The following DMD variants were observed in gnomAD, a reference collection of about 807,000 sequenced individuals.
The protein encoded by DMD is dystrophin, also known as mutant dystrophin.
DMD carries 63 observed loss-of-function variants against 330.1 expected under a neutral mutation model. The ratio of observed to expected loss-of-function variants is 0.19; its 90% CI spans 0.16 to 0.24. The LOEUF (loss-of-function observed/expected upper bound fraction) is 0.24. DMD is among the 10% of genes least tolerant of loss of function. The probability of loss-of-function intolerance (pLI) is 1.00; values close to 1 mark genes in which losing one functional copy is unlikely to be tolerated. For missense variants in DMD, 3,344 were observed against 2,684.1 expected (o/e 1.25, Z -5.43); for synonymous variants, 1,223 against 959.8 (o/e 1.27, Z -5.07).
At chrX:33,049,406 A>T (rs1209705494) in intron 1 of DMD, among the ~76,000 whole-genome samples, 1 of 111,831 alleles carries the variant, frequency 8.9e-6, no homozygotes, top group East Asian at 2.8e-4. Context: ...GGTGGCTGCC[A>T]CTTTCTTAAC....
At chrX:32,407,318 T>C (rs1406272023) in intron 30 of DMD, among the ~76,000 whole-genome samples, 12 of 111,415 alleles carry the variant, frequency 1.1e-4, no homozygotes, top group Non-Finnish European at 2.1e-4. Flanking sequence ...GGGTGAAGGA[T>C]ATGAACAGAC....
chrX:33,062,454 C>G (rs1396890349), intron 1 of DMD, among the ~76,000 whole-genome samples: 1 of 111,966 alleles, frequency 8.9e-6, no homozygotes, highest in Non-Finnish European at 1.9e-5. Context: ...GGAGTTTATT[C>G]TACAATTTTT....
Position 31,119,435 on chromosome X carries a change from A to AAAAC in DMD, c.*2480_*2483dup, listed in dbSNP as rs1208420692. The AAAAC allele has an allele frequency of 1.8e-5, 2 of 112,558 alleles. No individual in the cohort carries two copies. The highest frequency in any genetic ancestry group is 3.8e-5 in the Non-Finnish European group (2 of 53,166). 9.3% of individuals were successfully genotyped at this position (112,558 alleles called of 1,213,427 possible). A position where few individuals can be genotyped will look rare whatever the true frequency, so the allele number is the denominator to read the frequency against. ...GAACTCAGTACCTGAAAACAATGAC[A>AAAAC]AAACATGCCATGTGATGTTTATGCT... On this transcript the variant is annotated 3_prime_UTR_variant, in exon 79 of 79. Transcript: ENST00000357033.
intron 61 of DMD, among the ~76,000 whole-genome samples, chrX:31,338,819 G>A (rs187518430): frequency 8.2e-5 from 9 of 109,632 alleles, no homozygotes; most frequent in East Asian, 2.9e-4. Flanking sequence ...ACTCTGCAAC[G>A]CACATAAATA....
At chrX:32,512,994 G>A (rs1234212248) in intron 18 of DMD, among the ~76,000 whole-genome samples, 1 of 111,821 alleles carries the variant, frequency 8.9e-6, no homozygotes, top group Admixed American at 9.5e-5. Flanking sequence ...TAGTAAAGAA[G>A]CATAATGTGT....
At chrX:33,103,451 A>G (rs1197523622) in intron 1 of DMD, among the ~76,000 whole-genome samples, 4 of 110,783 alleles carry the variant, frequency 3.6e-5, no homozygotes, top group Admixed American at 2.9e-4. Flanking sequence ...GCCTTAACTG[A>G]TGACATTACC....
At chrX:32,455,397 A>T (rs2098353037) in intron 25 of DMD, among the ~76,000 whole-genome samples, 1 of 111,603 alleles carries the variant, frequency 9.0e-6, no homozygotes, top group South Asian at 3.6e-4. Flanking sequence ...TGCAAATCGA[A>T]GTGAATTAAT....
chrX:32,552,088 C>T (rs1364136913), intron 16 of DMD, among the ~76,000 whole-genome samples: 1 of 111,741 alleles, frequency 8.9e-6, no homozygotes, highest in Non-Finnish European at 1.9e-5. Flanking sequence ...CAAAAAACTA[C>T]CAATAACATT....
At chrX:32,319,709 T>A (rs895902161) in intron 41 of DMD, among the ~76,000 whole-genome samples, 2 of 111,241 alleles carry the variant, frequency 1.8e-5, no homozygotes, top group Non-Finnish European at 3.8e-5. Flanking sequence ...CTCATTATAC[T>A]TGAATACAAA....
At chrX:32,844,244 A>G (rs1445844549) in intron 4 of DMD, among the ~76,000 whole-genome samples, 2 of 109,553 alleles carry the variant, frequency 1.8e-5, no homozygotes, top group African/African-American at 6.6e-5. Flanking sequence ...TGTCTCTACT[A>G]AAAATACAAA....
intron 32 of DMD, among the ~76,000 whole-genome samples, chrX:32,387,330 C>A (rs1319808940): frequency 9.0e-6 from 1 of 110,613 alleles, no homozygotes; most frequent in Non-Finnish European, 1.9e-5. Flanking sequence ...ATGTATGTGG[C>A]CATGTATTCA....
At chrX:31,367,765 T>C (rs1411147938) in intron 60 of DMD, among the ~76,000 whole-genome samples, 1 of 111,946 alleles carries the variant, frequency 8.9e-6, no homozygotes, top group Non-Finnish European at 1.9e-5. Context: ...TGACTCAATA[T>C]CGACTTTTAA....
At chrX:31,240,593 A>C (rs759287736) in intron 63 of DMD, among the ~76,000 whole-genome samples, 1 of 111,564 alleles carries the variant, frequency 9.0e-6, no homozygotes, top group East Asian at 2.8e-4. Flanking sequence ...CAATGGAAAA[A>C]CTACTGGGTA....
intron 51 of DMD, among the ~76,000 whole-genome samples, chrX:31,769,506 G>C (rs1480983007): frequency 8.9e-6 from 1 of 112,003 alleles, no homozygotes; most frequent in Non-Finnish European, 1.9e-5. Context: ...CTTTAGATCA[G>C]CTGTATCCAA....
intron 67 of DMD, among the ~76,000 whole-genome samples, chrX:31,188,098 A>T (rs1167484815): frequency 1.8e-5 from 2 of 112,338 alleles, no homozygotes; most frequent in Non-Finnish European, 3.8e-5. Context: ...CTAAGATGCA[A>T]GATCCATCAT....
At chrX:33,314,578 T>G (rs1205604117) in intron 1 of DMD, among the ~76,000 whole-genome samples, 5 of 99,880 alleles carry the variant, frequency 5.0e-5, no homozygotes, top group African/African-American at 1.8e-4. Flanking sequence ...TTGTTTTTTT[T>G]TTTTTTTTTA....
rs1454170307 is a variant in DMD, at chrX:32,485,008, A to T, written c.2714T>A (p.Met905Lys). Residue 905 changes from methionine (M) to lysine (K), a missense_variant, in exon 21 of 79, where the codon ATG becomes AAG. Transcript: ENST00000357033. ...GGCCACAAAGTCTGCATCCAGGAAC[A>T]TGGGTCCTTGTCCTTTCTCTTTCAG... ...IALKEKGQGP[M>K]FLDADFVAFT... 1 of 1,211,573 alleles carries T rather than the reference A, an allele frequency of 8.3e-7. No homozygotes were observed. The highest frequency in any genetic ancestry group is 1.1e-6 in the Non-Finnish European group (1 of 895,233).
chrX:31,573,183 T>C (rs1310099110), intron 55 of DMD, among the ~76,000 whole-genome samples: 1 of 111,962 alleles, frequency 8.9e-6, no homozygotes, highest in African/African-American at 3.2e-5. Context: ...GAATTCTTTA[T>C]AGCCTTAAAT....
chrX:31,949,268 G>T (rs972283099), intron 45 of DMD, among the ~76,000 whole-genome samples: 1 of 111,007 alleles, frequency 9.0e-6, no homozygotes, highest in African/African-American at 3.3e-5. Context: ...TATCAGTATT[G>T]AGTCTTCCAA....
Sources: allele counts gnomAD v4.1 joint callset (sites outside exome capture counted in the v4.1 genomes callset), GRCh38; gene constraint gnomAD v4.1.1; transcripts MANE v1.5; gene names NCBI Gene and HGNC (gene_info 2026-07-23, HGNC 2026-07-21).